TTLL5: variants seen among roughly 807,000 people sequenced by gnomAD.
TTLL5 encodes the protein tubulin tyrosine ligase like 5, also known as tubulin polyglutamylase TTLL5.
TTLL5 carries 132 observed loss-of-function variants against 168.4 expected under a neutral mutation model. The ratio of observed to expected loss-of-function variants is 0.78; its 90% CI spans 0.68 to 0.91. The LOEUF (loss-of-function observed/expected upper bound fraction) is 0.91, where lower values mean the gene tolerates loss of function less well. TTLL5 is among the 40% of genes least tolerant of loss of function. The pLI, the probability that TTLL5 is intolerant of heterozygous loss-of-function variation, is 0.00. For synonymous variants in TTLL5, 546 were observed against 558.6 expected (o/e 0.98, Z 0.32); for missense variants, 1,545 against 1,581.5 (o/e 0.98, Z 0.39).
intron 18 of TTLL5, among the ~76,000 whole-genome samples, chr14:75,763,870 A>G (rs1397941910): frequency 6.6e-6 from 1 of 152,068 alleles, no homozygotes; most frequent in East Asian, 1.9e-4. Context: ...GCCTTGTCCT[A>G]TCTCTGCTGC....
At chr14:75,807,213 C>T (rs148505625) in intron 27 of TTLL5, among the ~76,000 whole-genome samples, 1,974 of 152,134 alleles carry the variant, frequency 0.013, 52 homozygotes, top group African/African-American at 0.043. Flanking sequence ...TTTGGGAGGC[C>T]GAGGTGGGTG....
intron 9 of TTLL5, among the ~76,000 whole-genome samples, chr14:75,715,169 G>A (rs1024412129): frequency 6.6e-5 from 10 of 151,100 alleles, no homozygotes; most frequent in African/African-American, 9.7e-5. Context: ...TTCAGATGCC[G>A]TTTTTATATG....
chr14:75,720,744 A>C (rs1237720030), intron 12 of TTLL5, 41 bp downstream of exon 12: 2 of 1,556,998 alleles, frequency 1.3e-6, no homozygotes, highest in Non-Finnish European at 1.8e-6. Flanking sequence ...TGTGAAGAGG[A>C]TCTTGGGAAG....
chr14:75,914,361 A>G (rs919643903), intron 31 of TTLL5, among the ~76,000 whole-genome samples: 34 of 151,980 alleles, frequency 2.2e-4, no homozygotes, highest in Non-Finnish European at 1.9e-4. Context: ...TGTAGACCCT[A>G]AAGAAAAGAA....
chr14:75,858,513 G>A (rs1897246368), intron 28 of TTLL5, among the ~76,000 whole-genome samples: 1 of 152,202 alleles, frequency 6.6e-6, no homozygotes. Flanking sequence ...AAAGGCATTT[G>A]TGACCCTGAA....
At chr14:75,830,419 A>G (rs1895494358) in intron 28 of TTLL5, among the ~76,000 whole-genome samples, 1 of 152,196 alleles carries the variant, frequency 6.6e-6, no homozygotes. Flanking sequence ...CTTGAAAATC[A>G]CTAAGAGAGT....
chr14:75,671,250 C>G (rs1695344222), intron 3 of TTLL5, among the ~76,000 whole-genome samples: 1 of 152,294 alleles, frequency 6.6e-6, no homozygotes, highest in African/African-American at 2.4e-5. Flanking sequence ...TTTAATATTT[C>G]ATTGAACTAT....
intron 31 of TTLL5, among the ~76,000 whole-genome samples, chr14:75,920,440 AC>A (rs1324915536): frequency 6.6e-6 from 1 of 151,600 alleles, no homozygotes; most frequent in Non-Finnish European, 1.5e-5. Context: ...GTTCCCCTCG[AC>A]CCCTGTGTCC....
intron 28 of TTLL5, among the ~76,000 whole-genome samples, chr14:75,841,138 A>G (rs970540468): frequency 2.6e-5 from 4 of 152,160 alleles, no homozygotes; most frequent in Non-Finnish European, 5.9e-5. Flanking sequence ...CCCATCATCC[A>G]ATCACCTCCC....
intron 21 of TTLL5, 57 bp downstream of exon 21, chr14:75,771,911 ATTT>A (rs57636956): frequency 3.0e-3 from 3,843 of 1,290,906 alleles, no homozygotes; most frequent in Admixed American, 7.8e-3. Context: ...TTCTTTCTGT[ATTT>A]TTTTTTTTTT....
chr14:75,897,994 G>A (rs1290143784), intron 30 of TTLL5, among the ~76,000 whole-genome samples: 1 of 152,118 alleles, frequency 6.6e-6, no homozygotes. Flanking sequence ...CTTTTGTGTA[G>A]TGTAAAGTTA....
intron 28 of TTLL5, among the ~76,000 whole-genome samples, chr14:75,835,951 A>G (rs540183903): frequency 4.6e-5 from 7 of 152,328 alleles, no homozygotes; most frequent in South Asian, 4.1e-4. Context: ...TTGGAATGTA[A>G]TTAGTACTAC....
Position 75,745,489 on chromosome 14 carries a change from G to C in TTLL5, c.1396-1G>C, listed in dbSNP as rs1192053295. 6.2e-7 allele frequency: 1 copy of C among 1,613,812 alleles called. No individual in the cohort carries two copies. The highest frequency in any genetic ancestry group is 8.5e-7 in the Non-Finnish European group (1 of 1,179,902). On this transcript the variant is annotated splice_acceptor_variant, in intron 16 of 31. Transcript: ENST00000298832. LOFTEE classifies it high-confidence loss of function. ...CTCATTTTATCTTATTTTTCATCTA[G>C]ATCAAAGTTTTACGAAGGGTGAAGG...
chr14:75,856,846 C>T (rs1370053979), intron 28 of TTLL5, among the ~76,000 whole-genome samples: 1 of 152,086 alleles, frequency 6.6e-6, no homozygotes, highest in Non-Finnish European at 1.5e-5. Context: ...AGGCTGGTCT[C>T]AAACTCCTAA....
chr14:75,944,874 G>A (rs565332075), intron 31 of TTLL5, among the ~76,000 whole-genome samples: 25 of 152,104 alleles, frequency 1.6e-4, no homozygotes, highest in Non-Finnish European at 3.2e-4. Context: ...GCAAAATGGC[G>A]GCCTTTAACT....
At chr14:75,782,453 T>C (rs776198853) in intron 24 of TTLL5, 34 bp from the exon 25 acceptor site, 1 of 1,554,144 alleles carries the variant, frequency 6.4e-7, no homozygotes, top group Non-Finnish European at 8.8e-7. Context: ...CAATTGATTA[T>C]AAGAGAGTCC....
At chr14:75,810,217 T>C (rs965089137) in intron 27 of TTLL5, among the ~76,000 whole-genome samples, 1 of 152,192 alleles carries the variant, frequency 6.6e-6, no homozygotes, top group Non-Finnish European at 1.5e-5. Context: ...ACAAGAATTA[T>C]CTAAAATTTT....
In TTLL5 at chr14:75,778,756, G is replaced by A. The variant is rs146512724; in HGVS notation, c.2388-819G>A. On this transcript the variant is annotated intron_variant, in intron 23 of 31. Transcript: ENST00000298832. ...CTGCTACAGATGTTAAAGTCCATGT[G>A]TGATATGTTCAATAGAAGAATCCAC... 5.0e-3 allele frequency among the ~76,000 whole-genome samples: 765 copies of A among 152,328 alleles called. 11 individuals are homozygous for A. The highest frequency in any genetic ancestry group is 0.017 in the African/African-American group (713 of 41,562).
intron 31 of TTLL5, among the ~76,000 whole-genome samples, chr14:75,924,861 C>T (rs900835704): frequency 7.3e-5 from 11 of 151,682 alleles, no homozygotes; most frequent in African/African-American, 2.7e-4. Context: ...TAGGGGCGGC[C>T]GGGCAGAGGC....
Sources: gnomAD v4.1 joint callset for allele counts (sites outside exome capture counted in the v4.1 genomes callset) on GRCh38, gnomAD v4.1.1 for gene constraint, MANE v1.5 for transcripts, NCBI Gene and HGNC (gene_info 2026-07-23, HGNC 2026-07-21) for gene names.